The following STXBP6 variants were observed in gnomAD, a reference collection of about 807,000 sequenced individuals.
STXBP6 encodes the protein syntaxin-binding protein 6.
In STXBP6, 21 loss-of-function variants were observed where a neutral mutation model predicts 26.9. The ratio of observed to expected loss-of-function variants is 0.78; its 90% CI spans 0.55 to 1.12. The LOEUF is 1.12. Ranked by LOEUF, STXBP6 falls within the 50% of genes most tolerant of loss-of-function variation. STXBP6 has a pLI of 0.00. For synonymous variants in STXBP6, 97 were observed against 92.6 expected (o/e 1.05, Z -0.27); for missense variants, 232 against 257.9 (o/e 0.90, Z 0.69).
At chr14:24,968,454 A>C (rs1595213836) in intron 2 of STXBP6, among the ~76,000 whole-genome samples, 1 of 152,096 alleles carries the variant, frequency 6.6e-6, no homozygotes, top group Non-Finnish European at 1.5e-5. Context: ...TTTCTAATTC[A>C]GAAAGTCTGA....
chr14:24,841,817 C>T (rs1213459622), intron 4 of STXBP6, among the ~76,000 whole-genome samples: 1 of 151,844 alleles, frequency 6.6e-6, no homozygotes, highest in Non-Finnish European at 1.5e-5. Context: ...TAATTTCTTC[C>T]TTTATCTTTT....
At chr14:25,026,176 C>T (rs998684844) in intron 1 of STXBP6, among the ~76,000 whole-genome samples, 5 of 152,054 alleles carry the variant, frequency 3.3e-5, no homozygotes, top group African/African-American at 9.7e-5. Context: ...TATCAGTAGC[C>T]CCCATCCTTA....
At chr14:25,006,188 G>GGGGAAAAAAACC (rs1288682361) in intron 1 of STXBP6, among the ~76,000 whole-genome samples, 1 of 152,212 alleles carries the variant, frequency 6.6e-6, no homozygotes, top group African/African-American at 2.4e-5. Context: ...GATTCAAGCT[G>GGGGAAAAAAACC]ATGGGCTCAG....
At chr14:25,034,561 C>T (rs2075518536) in intron 1 of STXBP6, among the ~76,000 whole-genome samples, 1 of 152,168 alleles carries the variant, frequency 6.6e-6, no homozygotes, top group Admixed American at 6.5e-5. Context: ...TGCCTCAGTA[C>T]AGCACAGTGC....
intron 2 of STXBP6, among the ~76,000 whole-genome samples, chr14:24,898,790 A>G (rs757286482): frequency 1.2e-4 from 18 of 151,204 alleles, no homozygotes; most frequent in Non-Finnish European, 2.2e-4. Flanking sequence ...TTTTTTCTTT[A>G]AAGGCATTTA....
At chr14:24,837,815 C>A (rs940874908) in intron 4 of STXBP6, among the ~76,000 whole-genome samples, 1 of 152,192 alleles carries the variant, frequency 6.6e-6, no homozygotes, top group Non-Finnish European at 1.5e-5. Flanking sequence ...CTTTCCCATC[C>A]TAAGAGATGT....
intron 1 of STXBP6, among the ~76,000 whole-genome samples, chr14:25,047,866 T>C (rs185104286): frequency 4.0e-4 from 61 of 152,318 alleles, no homozygotes; most frequent in East Asian, 7.7e-4. Flanking sequence ...CAGAGCTCCA[T>C]TCCAGGATCT....
At chr14:24,819,329 C>T (rs1448061873) in intron 4 of STXBP6, 135 bp from the exon 5 acceptor site, 8 of 987,616 alleles carry the variant, frequency 8.1e-6, no homozygotes, top group Non-Finnish European at 1.2e-5. Flanking sequence ...GTCTAGGAAA[C>T]AAGCCGACAT....
chr14:24,910,209 G>C (rs1346694405), intron 2 of STXBP6, among the ~76,000 whole-genome samples: 1 of 152,138 alleles, frequency 6.6e-6, no homozygotes, highest in Non-Finnish European at 1.5e-5. Context: ...ATGGCCCCAT[G>C]TTAGAGGGGC....
At chr14:24,882,415 G>A (rs1164254057) in intron 2 of STXBP6, among the ~76,000 whole-genome samples, 1,028 of 61,864 alleles carry the variant, frequency 0.017, no homozygotes, top group African/African-American at 0.031. Flanking sequence ...AAAAAAAAAA[G>A]AGGGGCTTTC....
intron 2 of STXBP6, among the ~76,000 whole-genome samples, chr14:24,970,256 C>A (rs1271981248): frequency 1.3e-5 from 2 of 150,844 alleles, no homozygotes; most frequent in African/African-American, 2.4e-5. Flanking sequence ...AAAAAAAAAT[C>A]AATTTCATTG....
At chr14:24,937,768 A>G (rs1032539023) in intron 2 of STXBP6, among the ~76,000 whole-genome samples, 2 of 152,242 alleles carry the variant, frequency 1.3e-5, no homozygotes, top group Admixed American at 6.5e-5. Context: ...TTTAAATAGT[A>G]CTGTTTCTGA....
intron 2 of STXBP6, among the ~76,000 whole-genome samples, chr14:24,871,444 G>T (rs1192395212): frequency 1.3e-5 from 2 of 152,208 alleles, no homozygotes; most frequent in African/African-American, 2.4e-5. Flanking sequence ...ACTAGTAGTT[G>T]CCATGGCTTG....
At chr14:24,928,015 G>A (rs9323573) in intron 2 of STXBP6, among the ~76,000 whole-genome samples, 34,598 of 151,978 alleles carry the variant, frequency 0.23, 4,075 homozygotes, top group African/African-American at 0.28. Flanking sequence ...GAAGGGATGA[G>A]GAGAAAATAG....
chr14:24,941,127 C>T (rs1026789559), intron 2 of STXBP6, among the ~76,000 whole-genome samples: 5 of 152,166 alleles, frequency 3.3e-5, no homozygotes, highest in Non-Finnish European at 5.9e-5. Context: ...TAAAATTTGA[C>T]AACATAGCCA....
At chr14:24,873,952 C>A (rs1257575444) in intron 2 of STXBP6, among the ~76,000 whole-genome samples, 1 of 152,176 alleles carries the variant, frequency 6.6e-6, no homozygotes, top group Non-Finnish European at 1.5e-5. Context: ...AGACAGATGC[C>A]TTCTTTTGCT....
chr14:24,979,941 A>C (rs2074143609), intron 1 of STXBP6, among the ~76,000 whole-genome samples: 1 of 152,220 alleles, frequency 6.6e-6, no homozygotes, highest in Non-Finnish European at 1.5e-5. Flanking sequence ...ATATGATTCA[A>C]GCTTAACTGT....
intron 1 of STXBP6, among the ~76,000 whole-genome samples, chr14:25,022,321 C>G (rs1423456280): frequency 6.6e-6 from 1 of 152,162 alleles, no homozygotes; most frequent in Non-Finnish European, 1.5e-5. Flanking sequence ...CACATCCTGC[C>G]AAGTTTAAGC....
chr14:24,968,394 T>G (rs2073802032), intron 2 of STXBP6, among the ~76,000 whole-genome samples: 1 of 151,998 alleles, frequency 6.6e-6, no homozygotes, highest in Non-Finnish European at 1.5e-5. Context: ...GACTTTGAGA[T>G]GAGAGCCGGT....
Sources: allele counts gnomAD v4.1 joint callset (sites outside exome capture counted in the v4.1 genomes callset), GRCh38; gene constraint gnomAD v4.1.1; transcripts MANE v1.5; gene names NCBI Gene and HGNC (gene_info 2026-07-23, HGNC 2026-07-21).